DHX38: variants seen among roughly 807,000 people sequenced by gnomAD.
The protein encoded by DHX38 is pre-mRNA-splicing factor ATP-dependent RNA helicase PRP16.
A neutral mutation model predicts 153.1 loss-of-function variants in DHX38; 100 were observed. The ratio of observed to expected loss-of-function variants is 0.65; its 90% confidence interval spans 0.56 to 0.77. The LOEUF is 0.77. DHX38 is among the 30% of genes least tolerant of loss of function. The pLI is 0.00. For missense variants in DHX38, 1,440 were observed against 1,654.0 expected (o/e 0.87, Z 2.24); for synonymous variants, 650 against 631.7 (o/e 1.03, Z -0.43).
At chr16:72,111,221 T>C (rs954636726) in intron 26 of DHX38, 144 bp downstream of exon 26, 3 of 1,276,202 alleles carry the variant, frequency 2.4e-6, no homozygotes, top group Admixed American at 6.0e-5. Flanking sequence ...GTGCATTTGG[T>C]GGTCACATGG....
rs530781030 is a variant in DHX38 at position 72,108,166 on chromosome 16, A to T, written c.2965-61A>T. ...AGGTGGTAGTGTTAGAACCTCTGGGATGTGCTCAGTGGGCCTGGACCCCCC... is the reference window on the plus strand; with the variant it reads ...AGGTGGTAGTGTTAGAACCTCTGGGTTGTGCTCAGTGGGCCTGGACCCCCC... On this transcript the variant is annotated intron_variant, in intron 21 of 26. Coordinates refer to ENST00000268482, the MANE Select transcript of DHX38 (RefSeq NM_014003.4). 2.1e-5 allele frequency: 34 copies of T among 1,585,488 alleles called. No homozygotes were observed. The South Asian group carries it at 3.2e-4, about 15-fold the overall frequency.
In DHX38 at chr16:72,096,489, C is replaced by G. The variant is rs372345988; in HGVS notation, c.323+9C>G. 6.2e-7 allele frequency: 1 copy of G among 1,607,692 alleles called. No individual in the cohort carries two copies. The highest frequency in any genetic ancestry group is 1.3e-5 in the African/African-American group (1 of 74,800). On this transcript the variant is annotated intron_variant, in intron 2 of 26. Transcript: ENST00000268482. ...AATATCCGGAAAGACAGGTAAAGGC[C>G]TTAGTATGGGTTAGCCCAGAGGGAA...
In DHX38 at chr16:72,104,068, C is replaced by A. The variant is rs2042138014; in HGVS notation, c.1947C>A (p.Ile649=). 6.2e-7 allele frequency: 1 copy of A among 1,614,080 alleles called. No homozygotes were observed. The highest frequency in any genetic ancestry group is 1.7e-5 in the Admixed American group (1 of 60,008). The change falls in exon 14 of 27, where the codon ATC becomes ATA. Residue 649 remains isoleucine (I), a synonymous_variant. Transcript: ENST00000268482. The surrounding 1 kb of genome is among the most constrained non-coding windows in gnomAD (Gnocchi z 4.5). ...CCGACCTGGATCACTACAGTGCCAT[C>A]ATCATGGACGAGGCCCACGAGCGCT... ...READLDHYSA[I]IMDEAHERSL...
intron 4 of DHX38, 36 bp downstream of exon 4, chr16:72,097,817 A>G (rs779523896): frequency 8.0e-5 from 126 of 1,565,952 alleles, no homozygotes; most frequent in Non-Finnish European, 9.6e-5. Flanking sequence ...TGAGGATTCA[A>G]GTGTATAAAA....
chr16:72,099,360 T>C, intron 7 of DHX38, 80 bp downstream of exon 7: 1 of 1,299,372 alleles, frequency 7.7e-7, no homozygotes, highest in Non-Finnish European at 1.1e-6. Flanking sequence ...GGACTGGGCT[T>C]TGATGAGGGT....
At chr16:72,106,959 A>G (rs1044109993) in intron 19 of DHX38, among the ~76,000 whole-genome samples, 1 of 152,120 alleles carries the variant, frequency 6.6e-6, no homozygotes, top group Admixed American at 6.5e-5. Flanking sequence ...TCACAAGGTC[A>G]GGAGTTTGAG....
In DHX38 at chr16:72,104,180, G is replaced by T; in HGVS notation, c.2010+49G>T. 6.3e-7 allele frequency: 1 copy of T among 1,590,384 alleles called. No homozygotes were observed. The highest frequency in any genetic ancestry group is 8.6e-7 in the Non-Finnish European group (1 of 1,163,626). On this transcript the variant is annotated intron_variant, in intron 14 of 26. Transcript: ENST00000268482. This position sits in a 1 kb window ranked among gnomAD's most constrained non-coding sequence, Gnocchi z 4.5. ...CTCTGCGCATGGGGTGTTGACCAGT[G>T]CACCACCAGTAGCTAGTGGGTTGCT...
chr16:72,098,749 G>T lies in DHX38; in HGVS notation c.721G>T (p.Asp241Tyr). ...GCCCTCCCCGACGCCTTCCTATCGG[G>T]ATTCTGAGCGGAGCCATCGGCTGTC... ...ESPSPTPSYR[D>Y]SERSHRLSTR... Residue 241 changes from aspartate to tyrosine, a missense_variant, in exon 5 of 27, where the codon GAT becomes TAT. Physicochemically the swap from Asp to Tyr is radical, Grantham distance 160 (BLOSUM62 -3). This residue lies in a region of DHX38 where 483 missense variants were observed against 465.1 expected (regional missense o/e 1.04). Transcript: ENST00000268482. 1 of 1,614,212 alleles carries T rather than the reference G, an allele frequency of 6.2e-7. No individual in the cohort carries two copies. Among genetic ancestry groups the T allele is most frequent in the Non-Finnish European group, 8.5e-7 (1 of 1,180,042 alleles).
In DHX38 at chr16:72,104,416, G is replaced by A; in HGVS notation, c.2011-70G>A. 2 of 1,592,056 alleles carry A rather than the reference G, an allele frequency of 1.3e-6. No individual in the cohort carries two copies. Among genetic ancestry groups the A allele is most frequent in the South Asian group, 2.2e-5 (2 of 89,918 alleles). The stretch of plus-strand genomic sequence containing the variant: ...TGGCTTGTGTTTCCTCGGGGGTGGT[G>A]CTGATGGGACTGGGGGACAGGAGCC... On this transcript the variant is annotated intron_variant, in intron 14 of 26. Coordinates refer to ENST00000268482, the MANE Select transcript of DHX38 (RefSeq NM_014003.4). This position sits in a 1 kb window ranked among gnomAD's most constrained non-coding sequence, Gnocchi z 4.5.
chr16:72,111,065 T>C lies in DHX38; in HGVS notation c.3587T>C (p.Leu1196Pro). 6.4e-7 allele frequency: 1 copy of C among 1,566,036 alleles called. No homozygotes were observed. Among genetic ancestry groups the C allele is most frequent in the Non-Finnish European group, 8.7e-7 (1 of 1,155,822 alleles). ...CAGGAGCAGGAGAAGCGCAGCCCCC[T>C]GGGCAGTGTCAGGTGAGCTCCGGCC... is the stretch of plus-strand genomic sequence containing the variant. ...RRQEQEKRSPLGSVRSTKIYT... is the reference protein window; with the variant it reads ...RRQEQEKRSPPGSVRSTKIYT... The change falls in exon 26 of 27, where the codon CTG (leucine) becomes CCG (proline). Residue 1196 changes from leucine to proline, a missense_variant. Leu to Pro is a moderately conservative substitution (Grantham distance 98). Around this residue, in one of 6 missense-constraint regions of DHX38, gnomAD observed 75 missense variants for 69.5 expected, o/e 1.08. Transcript: ENST00000268482.
At position 72,111,090 on chromosome 16, in the gene DHX38, C is replaced by T. The variant is rs1203716535; in HGVS notation, c.3599+13C>T. ...TGGGCAGTGTCAGGTGAGCTCCGGCCTTCGGGCTCTGGCTGGGGTGGCACC... is the reference window on the plus strand; with the variant it reads ...TGGGCAGTGTCAGGTGAGCTCCGGCTTTCGGGCTCTGGCTGGGGTGGCACC... On this transcript the variant is annotated intron_variant, in intron 26 of 26. Transcript: ENST00000268482. 1 of 1,548,470 alleles carries T rather than the reference C, an allele frequency of 6.5e-7. No individual in the cohort carries two copies. Among genetic ancestry groups the T allele is most frequent in the Non-Finnish European group, 8.7e-7 (1 of 1,146,106 alleles).
chr16:72,108,929 A>C lies in DHX38; in HGVS notation c.3381+4A>C, dbSNP rs1286801883. On this transcript the variant is annotated splice_donor_region_variant and intron_variant, in intron 24 of 26. Coordinates refer to ENST00000268482, the MANE Select transcript of DHX38 (RefSeq NM_014003.4). ...CGAGTTGGTCATGACCACCAAGGTG[A>C]GTCTTTTCCAAGGCACTTGCATAAT... The C allele has an allele frequency of 5.0e-6, 8 of 1,595,988 alleles. No homozygotes were observed. Among genetic ancestry groups the C allele is most frequent in the Non-Finnish European group, 5.1e-6 (6 of 1,170,894 alleles).
chr16:72,097,088 T>C, intron 3 of DHX38, 79 bp downstream of exon 3: 2 of 1,473,502 alleles, frequency 1.4e-6, no homozygotes, highest in East Asian at 2.4e-5. Context: ...GCAGGAGTTT[T>C]TGCAACACCC....
intron 17 of DHX38, 61 bp from the exon 18 acceptor site, chr16:72,105,456 C>G (rs776019102): frequency 2.5e-6 from 4 of 1,606,590 alleles, no homozygotes; most frequent in Admixed American, 1.7e-5. Flanking sequence ...GCTTTTCCCC[C>G]TCGCGGAGCC....
At chr16:72,111,879 G>A (rs1370105696) in intron 26 of DHX38, among the ~76,000 whole-genome samples, 1 of 152,210 alleles carries the variant, frequency 6.6e-6, no homozygotes, top group Non-Finnish European at 1.5e-5. Context: ...CCAGAGGTGA[G>A]GCTGATAGCA....
Position 72,096,945 on chromosome 16 carries a change from A to G in DHX38, c.447A>G (p.Lys149=). The G allele has an allele frequency of 6.2e-7, 1 of 1,614,098 alleles. No homozygotes were observed. Among genetic ancestry groups the G allele is most frequent in the Non-Finnish European group, 8.5e-7 (1 of 1,179,994 alleles). The part of the protein sequence containing the change: ...RREHGVYASS[K]EEKDWKKEKS... ...AACATGGTGTCTATGCCTCGTCCAA[A>G]GAAGAAAAGGATTGGAAGAAGGAGA... The change falls in exon 3 of 27, where the codon AAA becomes AAG. Residue 149 remains lysine (K), a synonymous_variant. Transcript: ENST00000268482.
At chr16:72,106,153 C>T (rs753004987) in intron 19 of DHX38, 36 bp downstream of exon 19, 16 of 1,600,734 alleles carry the variant, frequency 1.0e-5, no homozygotes, top group South Asian at 5.5e-5. Flanking sequence ...TCTGGGGCAG[C>T]GCTGGGGTTG....
chr16:72,096,750 G>A, intron 2 of DHX38, 72 bp from the exon 3 acceptor site: 1 of 1,529,764 alleles, frequency 6.5e-7, no homozygotes, highest in Non-Finnish European at 8.8e-7. Context: ...CACTTGTTTG[G>A]ACAGCCAAAG....
chr16:72,098,870 A>G (rs1351838578), intron 5 of DHX38, 57 bp from the exon 6 acceptor site: 3 of 1,613,732 alleles, frequency 1.9e-6, no homozygotes, highest in East Asian at 2.2e-5. Flanking sequence ...GATGGTGGCC[A>G]GGAGGACGTG....
Sources: allele counts gnomAD v4.1 joint callset (sites outside exome capture counted in the v4.1 genomes callset), GRCh38; gene constraint gnomAD v4.1.1; regional missense constraint gnomAD v4.1.1; non-coding constraint Gnocchi (gnomAD v3.1); transcripts MANE v1.5; gene names NCBI Gene and HGNC (gene_info 2026-07-23, HGNC 2026-07-21).